The following HS6ST2 variants were observed in gnomAD, a reference collection of about 807,000 sequenced individuals.
HS6ST2 encodes the protein heparan-sulfate 6-O-sulfotransferase 2.
HS6ST2 carries 17 observed loss-of-function variants against 33.0 expected under a neutral mutation model. The observed-to-expected ratio is 0.52, with a 90% CI of 0.35 to 0.77. The LOEUF (loss-of-function observed/expected upper bound fraction) is 0.77. Ranked by LOEUF, HS6ST2 falls within the 30% of genes least tolerant of loss-of-function variation. HS6ST2 has a pLI of 0.01. For synonymous variants in HS6ST2, 248 were observed against 237.1 expected (o/e 1.05, Z -0.42); for missense variants, 519 against 551.7 (o/e 0.94, Z 0.59).
intron 2 of HS6ST2, among the ~76,000 whole-genome samples, chrX:132,803,870 G>C (rs2065257488): frequency 9.0e-6 from 1 of 111,526 alleles, no homozygotes; most frequent in African/African-American, 3.3e-5. Context: ...TAGTATTTGT[G>C]AGCCCTCTGC....
intron 4 of HS6ST2, among the ~76,000 whole-genome samples, chrX:132,637,809 T>TTTATATATATAA (rs1556407197): frequency 9.6e-5 from 6 of 62,708 alleles, no homozygotes; most frequent in Admixed American, 8.2e-4. Context: ...ATATTATATA[T>TTTATATATATAA]TATTTTATAT....
chrX:132,860,920 T>G (rs1240344889), intron 2 of HS6ST2, among the ~76,000 whole-genome samples: 1 of 107,307 alleles, frequency 9.3e-6, no homozygotes, highest in Non-Finnish European at 1.9e-5. Context: ...CGCAAGTAGC[T>G]GGGATTACAG....
At chrX:132,865,062 G>A (rs987888675) in intron 2 of HS6ST2, among the ~76,000 whole-genome samples, 8 of 109,202 alleles carry the variant, frequency 7.3e-5, no homozygotes, top group African/African-American at 2.7e-4. Flanking sequence ...GTGTCATGCT[G>A]GTGCGCTGCA....
intron 4 of HS6ST2, among the ~76,000 whole-genome samples, chrX:132,637,824 A>AATATTATATATAATATTATATATAT (rs2063562474): frequency 2.1e-4 from 12 of 58,159 alleles, no homozygotes; most frequent in Non-Finnish European, 3.1e-4. Context: ...TTATATATAT[A>AATATTATATATAATATTATATATAT]ATATTATATA....
At chrX:132,933,486 C>T (rs1268950260) in intron 2 of HS6ST2, among the ~76,000 whole-genome samples, 1 of 109,997 alleles carries the variant, frequency 9.1e-6, no homozygotes, top group Non-Finnish European at 1.9e-5. Flanking sequence ...AAATATGGGA[C>T]ACCAAAAAGC....
chrX:132,884,076 C>T (rs2066218653), intron 2 of HS6ST2, among the ~76,000 whole-genome samples: 1 of 111,293 alleles, frequency 9.0e-6, no homozygotes, highest in African/African-American at 3.3e-5. Context: ...GCCTCTGTGG[C>T]ATGGCTCTGA....
chrX:132,791,938 G>A (rs1488688602), intron 2 of HS6ST2, among the ~76,000 whole-genome samples: 3 of 111,373 alleles, frequency 2.7e-5, no homozygotes, highest in Non-Finnish European at 5.6e-5. Flanking sequence ...AGCCATAACC[G>A]TGCCACTGCA....
chrX:132,909,140 A>G (rs747759580), intron 2 of HS6ST2, among the ~76,000 whole-genome samples: 1 of 111,493 alleles, frequency 9.0e-6, no homozygotes. Context: ...GGTAGCTATG[A>G]GGTGTTACAG....
chrX:132,672,227 C>T (rs1016080211), intron 3 of HS6ST2, among the ~76,000 whole-genome samples: 4 of 108,135 alleles, frequency 3.7e-5, no homozygotes, highest in Non-Finnish European at 5.7e-5. Flanking sequence ...TGAAACATCC[C>T]GCAATCCCAG....
chrX:132,918,570 C>G (rs979182167), intron 2 of HS6ST2, among the ~76,000 whole-genome samples: 4 of 111,907 alleles, frequency 3.6e-5, no homozygotes, highest in Admixed American at 2.9e-4. Context: ...TCCCCTACCC[C>G]TTCAGAAAGC....
At chrX:132,852,717 T>C (rs1569497125) in intron 2 of HS6ST2, among the ~76,000 whole-genome samples, 1 of 112,358 alleles carries the variant, frequency 8.9e-6, no homozygotes, top group Non-Finnish European at 1.9e-5. Context: ...CATCCCTGTA[T>C]AGAATTCCGA....
chrX:132,775,746 C>G (rs962582335), intron 2 of HS6ST2, among the ~76,000 whole-genome samples: 2 of 111,256 alleles, frequency 1.8e-5, no homozygotes, highest in African/African-American at 6.5e-5. Context: ...CCATTTTCTA[C>G]CTTAATTTTT....
intron 2 of HS6ST2, among the ~76,000 whole-genome samples, chrX:132,834,596 T>C (rs982588946): frequency 8.9e-6 from 1 of 112,225 alleles, no homozygotes; most frequent in Non-Finnish European, 1.9e-5. Flanking sequence ...CATTTCCAAG[T>C]GTAAGATAAA....
chrX:132,716,775 A>G (rs2064277362), intron 2 of HS6ST2, among the ~76,000 whole-genome samples: 1 of 112,359 alleles, frequency 8.9e-6, no homozygotes, highest in Admixed American at 9.4e-5. Context: ...AAGTATATAT[A>G]TGTGTACTGG....
intron 3 of HS6ST2, chrX:132,669,928 T>G (rs2063849570): frequency 8.9e-6 from 1 of 112,668 alleles, no homozygotes; most frequent in African/African-American, 3.2e-5. Context: ...TCTTCTTGAT[T>G]ACTTTATTCT....
intron 2 of HS6ST2, among the ~76,000 whole-genome samples, chrX:132,835,624 T>A (rs1441186952): frequency 8.9e-6 from 1 of 112,346 alleles, no homozygotes; most frequent in Non-Finnish European, 1.9e-5. Context: ...ACCAGATTGA[T>A]AAGAAATCTG....
At chrX:132,932,182 C>T (rs1282467299) in intron 2 of HS6ST2, among the ~76,000 whole-genome samples, 3 of 83,304 alleles carry the variant, frequency 3.6e-5, no homozygotes, top group East Asian at 7.4e-4. Context: ...CAAGACTCCA[C>T]CTCAAAAAAA....
intron 2 of HS6ST2, among the ~76,000 whole-genome samples, chrX:132,906,671 A>T (rs2066478348): frequency 9.1e-6 from 1 of 110,288 alleles, no homozygotes; most frequent in Non-Finnish European, 1.9e-5. Flanking sequence ...CAGGTCCCTC[A>T]AGAAGTGATT....
intron 3 of HS6ST2, among the ~76,000 whole-genome samples, chrX:132,704,831 C>T (rs187591385): frequency 6.9e-4 from 77 of 112,033 alleles, no homozygotes; most frequent in African/African-American, 2.4e-3. Flanking sequence ...CAGACTAATG[C>T]TCCATACTTG....
Sources: gnomAD v4.1 joint callset for allele counts (sites outside exome capture counted in the v4.1 genomes callset) on GRCh38, gnomAD v4.1.1 for gene constraint, MANE v1.5 for transcripts, NCBI Gene and HGNC (gene_info 2026-07-23, HGNC 2026-07-21) for gene names.